Variants in CCSER1 observed in about 807,000 individuals in gnomAD.
CCSER1 encodes serine-rich coiled-coil domain-containing protein 1.
Under a neutral mutation model 82.0 loss-of-function variants are expected in CCSER1, and 41 were observed. That is an observed-to-expected ratio of 0.50 (90% CI 0.39 to 0.65). CCSER1 has a LOEUF of 0.65. CCSER1 is among the 30% of genes least tolerant of loss of function. The probability of loss-of-function intolerance (pLI) is 0.00; values close to 1 mark genes in which losing one functional copy is unlikely to be tolerated. For synonymous variants in CCSER1, 414 were observed against 383.9 expected (o/e 1.08, Z -0.92); for missense variants, 1,119 against 1,064.2 (o/e 1.05, Z -0.72).
chr4:90,655,806 C>T (rs1729598582), intron 6 of CCSER1, among the ~76,000 whole-genome samples: 2 of 151,802 alleles, frequency 1.3e-5, no homozygotes, highest in Admixed American at 6.6e-5. Context: ...TACTCGGGTC[C>T]AAATAGAGAT....
chr4:90,756,046 G>A (rs1352458131), intron 7 of CCSER1, among the ~76,000 whole-genome samples: 1 of 152,082 alleles, frequency 6.6e-6, no homozygotes, highest in Non-Finnish European at 1.5e-5. Context: ...GGTGAACATG[G>A]TGAAACCTTT....
intron 8 of CCSER1, among the ~76,000 whole-genome samples, chr4:90,914,562 C>A (rs1050252451): frequency 1.3e-5 from 2 of 151,846 alleles, no homozygotes; most frequent in African/African-American, 2.4e-5. Context: ...AAAACTGACA[C>A]CCTAACATCA....
At chr4:90,547,195 G>T (rs573593662) in intron 5 of CCSER1, among the ~76,000 whole-genome samples, 1 of 101,396 alleles carries the variant, frequency 9.9e-6, no homozygotes, top group Admixed American at 8.1e-5. Context: ...GATGCCTATT[G>T]TTAATGCCAA....
intron 10 of CCSER1, among the ~76,000 whole-genome samples, chr4:91,463,067 G>A (rs1175115614): frequency 6.6e-6 from 1 of 152,244 alleles, no homozygotes; most frequent in African/African-American, 2.4e-5. Flanking sequence ...TCCTCAAGTG[G>A]GTCCCTGACC....
chr4:91,101,151 C>T (rs563900162), intron 10 of CCSER1, among the ~76,000 whole-genome samples: 2 of 152,264 alleles, frequency 1.3e-5, no homozygotes, highest in African/African-American at 4.8e-5. Context: ...CATACATAGA[C>T]ACGCACATGC....
intron 10 of CCSER1, among the ~76,000 whole-genome samples, chr4:91,115,841 T>TTATATATATATA (rs59028567): frequency 1.7e-4 from 20 of 115,212 alleles, no homozygotes; most frequent in African/African-American, 6.4e-4. Context: ...TTCCATTCTT[T>TTATATATATATA]TATATATATA....
At chr4:90,397,856 C>T (rs561662802) in intron 3 of CCSER1, among the ~76,000 whole-genome samples, 8 of 152,226 alleles carry the variant, frequency 5.3e-5, no homozygotes, top group African/African-American at 1.4e-4. Context: ...GATGTCCTCA[C>T]TTGGTATAAT....
At chr4:91,147,170 G>T (rs1428826671) in intron 10 of CCSER1, among the ~76,000 whole-genome samples, 1 of 152,164 alleles carries the variant, frequency 6.6e-6, no homozygotes, top group Non-Finnish European at 1.5e-5. Context: ...CTGGTGATGC[G>T]GTAGGTCAAG....
intron 4 of CCSER1, among the ~76,000 whole-genome samples, chr4:90,411,165 A>T (rs1272445191): frequency 1.3e-5 from 2 of 152,202 alleles, no homozygotes; most frequent in Non-Finnish European, 2.9e-5. Flanking sequence ...CCAGGACCAG[A>T]TGGATTCACA....
chr4:91,201,792 A>G (rs1735920240), intron 10 of CCSER1, among the ~76,000 whole-genome samples: 1 of 152,038 alleles, frequency 6.6e-6, no homozygotes, highest in African/African-American at 2.4e-5. Flanking sequence ...ATTTCTTTTC[A>G]AAATGACATC....
intron 1 of CCSER1, among the ~76,000 whole-genome samples, chr4:90,178,990 T>C (rs949571088): frequency 3.3e-5 from 5 of 152,156 alleles, no homozygotes; most frequent in African/African-American, 4.8e-5. Context: ...CATACATATA[T>C]GCACAAAAAC....
At chr4:91,075,753 T>G (rs937327010) in intron 9 of CCSER1, among the ~76,000 whole-genome samples, 8 of 152,218 alleles carry the variant, frequency 5.3e-5, no homozygotes, top group Admixed American at 2.0e-4. Context: ...TAAAGGTGTT[T>G]GGGTTATTTT....
At chr4:90,131,881 A>G (rs1316898803) in intron 1 of CCSER1, among the ~76,000 whole-genome samples, 1 of 152,154 alleles carries the variant, frequency 6.6e-6, no homozygotes, top group East Asian at 1.9e-4. Flanking sequence ...TTGATTTTAG[A>G]CAAACTGCTT....
At chr4:90,236,569 T>G (rs1745842509) in intron 1 of CCSER1, among the ~76,000 whole-genome samples, 1 of 152,158 alleles carries the variant, frequency 6.6e-6, no homozygotes, top group African/African-American at 2.4e-5. Context: ...TAATAACAAT[T>G]GAGAGTTTTG....
At chr4:91,340,326 C>G (rs1747627682) in intron 10 of CCSER1, among the ~76,000 whole-genome samples, 1 of 152,076 alleles carries the variant, frequency 6.6e-6, no homozygotes. Flanking sequence ...ACTGTCTACA[C>G]CAACAAATCA....
chr4:90,632,220 G>A (rs555159509), intron 6 of CCSER1, among the ~76,000 whole-genome samples: 2 of 151,818 alleles, frequency 1.3e-5, no homozygotes, highest in Non-Finnish European at 2.9e-5. Flanking sequence ...TTTTATTACT[G>A]GCTAAACAAC....
chr4:90,866,208 T>C (rs1299857758), intron 8 of CCSER1, among the ~76,000 whole-genome samples: 1 of 151,876 alleles, frequency 6.6e-6, no homozygotes, highest in African/African-American at 2.4e-5. Context: ...CTCTCTCTTC[T>C]CCTTGACAAT....
chr4:91,042,500 G>GT lies in CCSER1; in HGVS notation c.2173-43449dup, dbSNP rs139856461. ...GTATTTTTTAAGGGTAAAATTAATT[G>GT]TATGTCTCCTTATTTAGTTTATCAA... is the stretch of plus-strand genomic sequence containing the variant. On this transcript the variant is annotated intron_variant, in intron 9 of 10. Transcript: ENST00000509176. 9.6e-3 allele frequency among the ~76,000 whole-genome samples: 1,462 copies of GT among 152,258 alleles called. 21 individuals are homozygous for GT. Among genetic ancestry groups the GT allele is most frequent in the African/African-American group, 0.034 (1,395 of 41,552 alleles).
intron 9 of CCSER1, among the ~76,000 whole-genome samples, chr4:90,992,393 C>A (rs1290684663): frequency 6.6e-6 from 1 of 151,998 alleles, no homozygotes; most frequent in Non-Finnish European, 1.5e-5. Flanking sequence ...TAACTCTCAT[C>A]TTGATTTCTT....
Sources: gnomAD v4.1 joint callset for allele counts (sites outside exome capture counted in the v4.1 genomes callset) on GRCh38, gnomAD v4.1.1 for gene constraint, MANE v1.5 for transcripts, NCBI Gene and HGNC (gene_info 2026-07-23, HGNC 2026-07-21) for gene names.